The following PDXK variants were observed in gnomAD, a reference collection of about 807,000 sequenced individuals.
The protein encoded by PDXK is pyridoxal kinase, also known as epididymis secretory sperm binding protein Li 1a.
Under a neutral mutation model 43.2 loss-of-function variants are expected in PDXK, and 15 were observed. That is an observed-to-expected ratio of 0.35 (90% CI 0.23 to 0.53). The LOEUF is 0.53. Ranked by LOEUF, PDXK falls within the 20% of genes least tolerant of loss-of-function variation. The pLI, the probability that PDXK is intolerant of heterozygous loss-of-function variation, is 0.92. For synonymous variants in PDXK, 172 were observed against 165.4 expected, an observed-to-expected ratio of 1.04 and a Z score of -0.31; for missense variants, 343 against 417.0, an observed-to-expected ratio of 0.82 and a Z score of 1.54.
intron 4 of PDXK, chr21:43,745,768 G>A (rs1001947942): frequency 2.9e-6 from 1 of 343,022 alleles, no homozygotes; most frequent in African/African-American, 2.0e-5. Flanking sequence ...AGGCCAAGGT[G>A]AGAGGATCGC....
chr21:43,727,157 T>C (rs938648067), intron 1 of PDXK, among the ~76,000 whole-genome samples: 4 of 152,172 alleles, frequency 2.6e-5, no homozygotes, highest in Admixed American at 6.5e-5. Context: ...GGGCTGCTGA[T>C]TGGCATTGTG....
rs1350187206 is a variant in PDXK at position 43,757,317 on chromosome 21, C to T, written c.*1254C>T. The T allele has an allele frequency of 2.0e-5, 3 of 152,356 alleles. No individual in the cohort carries two copies. Among genetic ancestry groups the T allele is most frequent in the Admixed American group, 2.0e-4 (3 of 15,290 alleles). 9.4% of individuals were successfully genotyped at this position (152,356 alleles called of 1,614,324 possible). ...TGGCCTGCCTTGATTTCAGCCACAC[C>T]CCTGCAGCCCTGCATCCCAGCTCTG... On this transcript the variant is annotated 3_prime_UTR_variant, in exon 11 of 11. Coordinates refer to ENST00000291565, the MANE Select transcript of PDXK (RefSeq NM_003681.5).
chr21:43,737,905 T>G lies in PDXK; in HGVS notation c.143-3762T>G. 1.0e-6 allele frequency: 1 copy of G among 985,454 alleles called. No homozygotes were observed. The highest frequency in any genetic ancestry group is 1.2e-6 in the Non-Finnish European group (1 of 829,928). 61.0% of individuals were successfully genotyped at this position (985,454 alleles called of 1,614,324 possible). A position where few individuals can be genotyped will look rare whatever the true frequency, so the allele number is the denominator to read the frequency against. On this transcript the variant is annotated intron_variant, in intron 2 of 10. Coordinates refer to ENST00000291565, the MANE Select transcript of PDXK (RefSeq NM_003681.5). The surrounding 1 kb of genome is among the most constrained non-coding windows in gnomAD (Gnocchi z 4.8). ...CCTCCCCTGTTGGAGAAGGTTCTTG[T>G]GGGCTCTGGGCCCATCCCACATCCC... is the stretch of plus-strand genomic sequence containing the variant.
Position 43,727,097 on chromosome 21 carries a change from C to A in PDXK, c.88-6972C>A, listed in dbSNP as rs113643117. Among the ~76,000 whole-genome samples the A allele has an allele frequency of 2.7e-3, 408 of 152,294 alleles. 4 individuals are homozygous for A. The highest frequency in any genetic ancestry group is 9.7e-3 in the African/African-American group (402 of 41,564). ...AGGAGGCTTGGTGTGACTGGCATTC[C>A]CTGGAAAGGGAGGGGCGGATCCGCA... is the stretch of plus-strand genomic sequence containing the variant. On this transcript the variant is annotated intron_variant, in intron 1 of 10. Transcript: ENST00000291565.
Position 43,753,447 on chromosome 21 carries a change from C to G in PDXK, c.623-136C>G, listed in dbSNP as rs556946387. 1.6e-4 allele frequency: 120 copies of G among 761,208 alleles called. 2 individuals carry two copies. In the African/African-American group the frequency reaches 1.8e-3, roughly 11 times the overall value. The allele number at this position is 761,208 out of a possible 1,614,324, so 47.2% of individuals were successfully genotyped here. ...ACCCCATGCATGCCCTGAGCCCCCA[C>G]GTCCTGAGCAAGGCCACCTTGTGCT... is the stretch of plus-strand genomic sequence containing the variant. On this transcript the variant is annotated intron_variant, in intron 8 of 10. Transcript: ENST00000291565.
chr21:43,732,387 C>T lies in PDXK; in HGVS notation c.88-1682C>T, dbSNP rs781601396. 31 of 1,612,710 alleles carry T rather than the reference C, an allele frequency of 1.9e-5. No individual in the cohort carries two copies. Among genetic ancestry groups the T allele is most frequent in the Non-Finnish European group, 2.5e-5 (30 of 1,179,848 alleles). On this transcript the variant is annotated intron_variant, in intron 1 of 10. Coordinates refer to ENST00000291565, the MANE Select transcript of PDXK (RefSeq NM_003681.5). This position sits in a 1 kb window ranked among gnomAD's most constrained non-coding sequence, Gnocchi z 4.1. ...TGGCACATGAAGTTGGATGGGTAGA[C>T]TCTGGAAGCGTCCAGACCAGCTTGC...
Position 43,732,235 on chromosome 21 carries a change from G to C in PDXK, c.88-1834G>C, listed in dbSNP as rs2083328015. ...TTCCAGAGGCATGGTCCGGCACAGAGCGCTGGCTTCCAGCTGAAGGACATG... is the reference window on the plus strand; with the variant it reads ...TTCCAGAGGCATGGTCCGGCACAGACCGCTGGCTTCCAGCTGAAGGACATG... On this transcript the variant is annotated intron_variant, in intron 1 of 10. Transcript: ENST00000291565. This position sits in a 1 kb window ranked among gnomAD's most constrained non-coding sequence, Gnocchi z 4.1. 6.8e-7 allele frequency: 1 copy of C among 1,462,754 alleles called. No individual in the cohort carries two copies. Among genetic ancestry groups the C allele is most frequent in the Non-Finnish European group, 9.0e-7 (1 of 1,112,378 alleles). The allele number at this position is 1,462,754 out of a possible 1,614,324, so 90.6% of individuals were successfully genotyped here. A position where few individuals can be genotyped will look rare whatever the true frequency, so the allele number is the denominator to read the frequency against.
rs376907652 is a variant in PDXK, at chr21:43,758,546, G to A, written c.*2483G>A. 1.2e-4 allele frequency: 19 copies of A among 153,648 alleles called. No homozygotes were observed. The highest frequency in any genetic ancestry group is 4.6e-4 in the African/African-American group (19 of 41,438). 9.5% of individuals were successfully genotyped at this position (153,648 alleles called of 1,614,324 possible). On this transcript the variant is annotated 3_prime_UTR_variant, in exon 11 of 11. Coordinates refer to ENST00000291565, the MANE Select transcript of PDXK (RefSeq NM_003681.5). ...CCACGGCCCGTTTCCACCCGGGCATGTTCGTCTCTCCTGACTTCGGCAGAG... is the reference window on the plus strand; with the variant it reads ...CCACGGCCCGTTTCCACCCGGGCATATTCGTCTCTCCTGACTTCGGCAGAG...
rs1157049164 is a variant in PDXK at position 43,736,987 on chromosome 21, T to C, written c.142+2864T>C. ...TCGGTCTCTGTCGCCCAGGCTGGCG[T>C]GAAGTGGCGCAACCAGCTCACTGCA... On this transcript the variant is annotated intron_variant, in intron 2 of 10. Transcript: ENST00000291565. The C allele has an allele frequency of 7.1e-6, 5 of 702,256 alleles. No individual in the cohort carries two copies. The East Asian group carries it at 1.3e-4, about 19-fold the overall frequency. The allele number at this position is 702,256 out of a possible 1,614,324, so 43.5% of individuals were successfully genotyped here. A position where few individuals can be genotyped will look rare whatever the true frequency, so the allele number is the denominator to read the frequency against.
rs2147312628 is a variant in PDXK at position 43,752,588 on chromosome 21, A to G, written c.581A>G (p.Gln194Arg). The G allele has an allele frequency of 6.2e-7, 1 of 1,613,174 alleles. No individual in the cohort carries two copies. Among genetic ancestry groups the G allele is most frequent in the Non-Finnish European group, 8.5e-7 (1 of 1,179,778 alleles). Reference protein sequence around the residue: ...VITSSDLPSPQGSNYLIVLGS... With the variant: ...VITSSDLPSPRGSNYLIVLGS... ...ACCAGCTCCGACCTGCCCTCCCCGC[A>G]GGGCAGCAACTACCTGATTGTGCTG... The change falls in exon 8 of 11, where the codon CAG (glutamine) becomes CGG (arginine). Residue 194 changes from glutamine to arginine, a missense_variant. By Grantham distance (43) the Gln-to-Arg change is conservative. Coordinates refer to ENST00000291565, the MANE Select transcript of PDXK (RefSeq NM_003681.5).
intron 9 of PDXK, among the ~76,000 whole-genome samples, chr21:43,755,154 C>T (rs550994799): frequency 2.4e-4 from 36 of 152,128 alleles, no homozygotes; most frequent in Non-Finnish European, 4.3e-4. Flanking sequence ...GCGAGTTCCC[C>T]GTGCTTCCCC....
intron 1 of PDXK, among the ~76,000 whole-genome samples, chr21:43,726,303 C>CT (rs2083253418): frequency 9.5e-5 from 12 of 126,126 alleles, no homozygotes. Flanking sequence ...GACGGAGTCT[C>CT]ACTCTGTCAC....
intron 7 of PDXK, among the ~76,000 whole-genome samples, chr21:43,752,193 A>G (rs557616186): frequency 6.6e-6 from 1 of 152,278 alleles, no homozygotes; most frequent in Non-Finnish European, 1.5e-5. Flanking sequence ...AGTTACAGAA[A>G]AGCCAACGTA....
At position 43,749,002 on chromosome 21, in the gene PDXK, C is replaced by T. The variant is rs757817662; in HGVS notation, c.386C>T (p.Pro129Leu). Reference protein sequence around the residue: ...KWDGEGSMYVPEDLLPVYKEK... With the variant: ...KWDGEGSMYVLEDLLPVYKEK... ...GTCTCCTTTGTTGGCCAGTACGTCC[C>T]GGAGGACCTCCTTCCCGTCTACAAA... Residue 129 changes from proline to leucine, a missense_variant, in exon 6 of 11, where the codon CCG becomes CTG. By Grantham distance (98) the Pro-to-Leu change is moderately conservative. Transcript: ENST00000291565. 18 of 1,607,906 alleles carry T rather than the reference C, an allele frequency of 1.1e-5. No homozygotes were observed. The highest frequency in any genetic ancestry group is 1.4e-5 in the Non-Finnish European group (17 of 1,174,620).
intron 4 of PDXK, among the ~76,000 whole-genome samples, chr21:43,745,118 C>T (rs746756771): frequency 3.3e-5 from 5 of 152,130 alleles, no homozygotes; most frequent in South Asian, 2.1e-4. Context: ...GCCAGTTCAT[C>T]GCGGTAGAAA....
At position 43,732,329 on chromosome 21, in the gene PDXK, CG is replaced by C; in HGVS notation, c.88-1739del. ...TCCTGGACCTTGGCACCCCGCCCCC[CG>C]TGCATTGTCGTCTTCTGAGTCTGGC... On this transcript the variant is annotated intron_variant, in intron 1 of 10. Coordinates refer to ENST00000291565, the MANE Select transcript of PDXK (RefSeq NM_003681.5). This position sits in a 1 kb window ranked among gnomAD's most constrained non-coding sequence, Gnocchi z 4.1. 6.2e-7 allele frequency: 1 copy of C among 1,605,566 alleles called. No individual in the cohort carries two copies. The highest frequency in any genetic ancestry group is 8.5e-7 in the Non-Finnish European group (1 of 1,174,404).
chr21:43,734,853 C>T lies in PDXK; in HGVS notation c.142+730C>T, dbSNP rs2083377927. 6.6e-6 allele frequency among the ~76,000 whole-genome samples: 1 copy of T among 152,158 alleles called. No individual in the cohort carries two copies. The highest frequency in any genetic ancestry group is 2.4e-5 in the African/African-American group (1 of 41,410). On this transcript the variant is annotated intron_variant, in intron 2 of 10. Coordinates refer to ENST00000291565, the MANE Select transcript of PDXK (RefSeq NM_003681.5). This position sits in a 1 kb window ranked among gnomAD's most constrained non-coding sequence, Gnocchi z 5.0. Reference sequence around the variant, plus strand: ...CAAAGCTGTTCTGTTCTTTGAAACCCCACCTCGCTTCCCCTGAAATTTCTC... The same window carrying T: ...CAAAGCTGTTCTGTTCTTTGAAACCTCACCTCGCTTCCCCTGAAATTTCTC...
chr21:43,750,565 C>T lies in PDXK; in HGVS notation c.510+20C>T, dbSNP rs1161682335. On this transcript the variant is annotated intron_variant, in intron 7 of 10. Transcript: ENST00000291565. ...TTGCGGGTAAGGAGGCCCTCTGGGGCCTGTGCGGGGCACATGTGCCGCTCA... is the reference window on the plus strand; with the variant it reads ...TTGCGGGTAAGGAGGCCCTCTGGGGTCTGTGCGGGGCACATGTGCCGCTCA... The T allele has an allele frequency of 2.5e-6, 4 of 1,605,768 alleles. No individual in the cohort carries two copies. Among genetic ancestry groups the T allele is most frequent in the East Asian group, 4.5e-5 (2 of 44,798 alleles).
chr21:43,751,084 G>A lies in PDXK; in HGVS notation c.510+539G>A, dbSNP rs149303956. Among the ~76,000 whole-genome samples, 456 of 152,332 alleles carry A rather than the reference G, an allele frequency of 3.0e-3. 1 individual carries two copies. Among genetic ancestry groups the A allele is most frequent in the African/African-American group, 0.011 (446 of 41,566 alleles). On this transcript the variant is annotated intron_variant, in intron 7 of 10. Coordinates refer to ENST00000291565, the MANE Select transcript of PDXK (RefSeq NM_003681.5). ...GCCAGCTGTTGGGAAGGGCAGGCTGGAGGCTGGACACAGGAGCAGATGCAG... is the reference window on the plus strand; with the variant it reads ...GCCAGCTGTTGGGAAGGGCAGGCTGAAGGCTGGACACAGGAGCAGATGCAG...
Sources: allele counts gnomAD v4.1 joint callset (sites outside exome capture counted in the v4.1 genomes callset), GRCh38; gene constraint gnomAD v4.1.1; non-coding constraint Gnocchi (gnomAD v3.1); transcripts MANE v1.5; gene names NCBI Gene and HGNC (gene_info 2026-07-23, HGNC 2026-07-21).